GALNT15: variants seen among roughly 807,000 people sequenced by gnomAD.
GALNT15 encodes polypeptide N-acetylgalactosaminyltransferase 15.
In GALNT15, 67 loss-of-function variants were observed where a neutral mutation model predicts 66.8. That is an observed-to-expected ratio of 1.00 (90% CI 0.82 to 1.23). The LOEUF (loss-of-function observed/expected upper bound fraction) is 1.23, where lower values mean the gene tolerates loss of function less well. GALNT15 is among the 50% of genes most tolerant of loss of function. GALNT15 has a pLI of 0.00. For synonymous variants in GALNT15, 313 were observed against 311.5 expected (o/e 1.00, Z -0.05); for missense variants, 827 against 804.3 (o/e 1.03, Z -0.34).
At chr3:16,223,118 T>G (rs1299429728) in intron 9 of GALNT15, among the ~76,000 whole-genome samples, 1 of 152,176 alleles carries the variant, frequency 6.6e-6, no homozygotes, top group Admixed American at 6.5e-5. Flanking sequence ...TTAGGAGCAA[T>G]TCAAAGTCCC....
Position 16,187,450 on chromosome 3 carries a change from GGTCCTC to G in GALNT15, c.540-8309_540-8304del. ...ACTCTCAGACCTGGCAGCTGATGCTGGTCCTCAGCTGGGGCACTTTAGTTTTTCTTC... is the reference window on the plus strand; with the variant it reads ...ACTCTCAGACCTGGCAGCTGATGCTGAGCTGGGGCACTTTAGTTTTTCTTC... On this transcript the variant is annotated intron_variant, in intron 1 of 9. Transcript: ENST00000339732. The surrounding 1 kb of genome is among the most constrained non-coding windows in gnomAD (Gnocchi z 5.1). 6.6e-6 allele frequency among the ~76,000 whole-genome samples: 1 copy of G among 152,282 alleles called. No homozygotes were observed. Among genetic ancestry groups the G allele is most frequent in the East Asian group, 1.9e-4 (1 of 5,178 alleles).
At position 16,193,225 on chromosome 3, in the gene GALNT15, A is replaced by G. The variant is rs2063598089; in HGVS notation, c.540-2535A>G. On this transcript the variant is annotated intron_variant, in intron 1 of 9. Transcript: ENST00000339732. This position sits in a 1 kb window ranked among gnomAD's most constrained non-coding sequence, Gnocchi z 4.7. ...AATTCTGTTGCAGAATAAACATTTT[A>G]CTTTGGCTACCAGGGATCTCAGAGT... Among the ~76,000 whole-genome samples the G allele has an allele frequency of 6.6e-6, 1 of 152,238 alleles. No individual in the cohort carries two copies. Among genetic ancestry groups the G allele is most frequent in the African/African-American group, 2.4e-5 (1 of 41,472 alleles).
In GALNT15 at chr3:16,187,302, A is replaced by G. The variant is rs1286232839; in HGVS notation, c.540-8458A>G. On this transcript the variant is annotated intron_variant, in intron 1 of 9. Coordinates refer to ENST00000339732, the MANE Select transcript of GALNT15 (RefSeq NM_054110.5). The surrounding 1 kb of genome is among the most constrained non-coding windows in gnomAD (Gnocchi z 5.1). ...GTGATTTCAAACAATAACCATTTCT[A>G]TGTTATGGTTCTATAATTTGGACCG... Among the ~76,000 whole-genome samples, 4 of 152,092 alleles carry G rather than the reference A, an allele frequency of 2.6e-5. No individual in the cohort carries two copies. The highest frequency in any genetic ancestry group is 3.9e-4 in the East Asian group (2 of 5,192).
At chr3:16,226,255 A>C (rs748934619) in intron 9 of GALNT15, among the ~76,000 whole-genome samples, 5 of 152,074 alleles carry the variant, frequency 3.3e-5, no homozygotes, top group Non-Finnish European at 5.9e-5. Flanking sequence ...AATATTCTGG[A>C]AGTAGGTAGG....
intron 9 of GALNT15, among the ~76,000 whole-genome samples, chr3:16,226,310 T>C (rs573204078): frequency 6.6e-6 from 1 of 152,238 alleles, no homozygotes; most frequent in East Asian, 1.9e-4. Context: ...AACCACCAAC[T>C]TGTGTACTTT....
At chr3:16,230,544 CA>C (rs1041628800), downstream of GALNT15, among the ~76,000 whole-genome samples, 1 of 146,026 alleles carries the variant, frequency 6.8e-6, no homozygotes, top group African/African-American at 2.6e-5. This position sits in a 1 kb window ranked among gnomAD's most constrained non-coding sequence, Gnocchi z 4.5. Context: ...TTTGGACAAA[CA>C]AAATGCAAAC....
chr3:16,242,795 G>GAAAT, the GALNT15 span, among the ~76,000 whole-genome samples: 1 of 151,920 alleles, frequency 6.6e-6, no homozygotes, highest in African/African-American at 2.4e-5. This position sits in a 1 kb window ranked among gnomAD's most constrained non-coding sequence, Gnocchi z 5.6. Flanking sequence ...GAAAAGAAAA[G>GAAAT]AAAAGAAAAT....
chr3:16,180,080 G>C lies in GALNT15; in HGVS notation c.539+4390G>C, dbSNP rs1344576736. Among the ~76,000 whole-genome samples, 1 of 152,206 alleles carries C rather than the reference G, an allele frequency of 6.6e-6. No individual in the cohort carries two copies. The highest frequency in any genetic ancestry group is 1.9e-4 in the East Asian group (1 of 5,200). ...GTAATCTACATCTACGGCTGAACTTGAGCGTGCATCCGAACAACTAGATGG... is the reference window on the plus strand; with the variant it reads ...GTAATCTACATCTACGGCTGAACTTCAGCGTGCATCCGAACAACTAGATGG... On this transcript the variant is annotated intron_variant, in intron 1 of 9. Coordinates refer to ENST00000339732, the MANE Select transcript of GALNT15 (RefSeq NM_054110.5). This position sits in a 1 kb window ranked among gnomAD's most constrained non-coding sequence, Gnocchi z 5.0.
intron 6 of GALNT15, among the ~76,000 whole-genome samples, chr3:16,215,916 A>AAACAAACAAACAAAAAAAAAAAC (rs1019009823): frequency 4.9e-5 from 7 of 143,530 alleles, no homozygotes; most frequent in East Asian, 2.2e-4. Flanking sequence ...CAAAAAAAAA[A>AAACAAACAAACAAAAAAAAAAAC]AAAAAAAAAG....
At chr3:16,199,744 C>T (rs2063679128) in intron 2 of GALNT15, among the ~76,000 whole-genome samples, 2 of 152,260 alleles carry the variant, frequency 1.3e-5, no homozygotes, top group Admixed American at 6.5e-5. Context: ...TGCTTTTTAC[C>T]CTGCAATGGT....
At chr3:16,194,159 C>T (rs953577497) in intron 1 of GALNT15, among the ~76,000 whole-genome samples, 1 of 152,176 alleles carries the variant, frequency 6.6e-6, no homozygotes, top group African/African-American at 2.4e-5. Context: ...TCGAAGCCTC[C>T]GTTTCCTTAT....
chr3:16,247,806 C>G, the GALNT15 span, among the ~76,000 whole-genome samples: 1 of 152,246 alleles, frequency 6.6e-6, no homozygotes, highest in African/African-American at 2.4e-5. Flanking sequence ...TGCTGTCCCC[C>G]TCCCGGACCC....
chr3:16,238,091 T>C, the GALNT15 span, among the ~76,000 whole-genome samples: 1 of 152,250 alleles, frequency 6.6e-6, no homozygotes, highest in Non-Finnish European at 1.5e-5. This position sits in a 1 kb window ranked among gnomAD's most constrained non-coding sequence, Gnocchi z 4.8. Context: ...TATAGGCTTC[T>C]TTTAGCAAAG....
chr3:16,193,053 G>A lies in GALNT15; in HGVS notation c.540-2707G>A, dbSNP rs1205099631. ...AGATATTTTCATGATGGGGAGCTAG[G>A]TAAAGGGAACATAGGAACTCTCAGT... On this transcript the variant is annotated intron_variant, in intron 1 of 9. Transcript: ENST00000339732. This position sits in a 1 kb window ranked among gnomAD's most constrained non-coding sequence, Gnocchi z 4.7. Among the ~76,000 whole-genome samples the A allele has an allele frequency of 1.3e-5, 2 of 152,134 alleles. No individual in the cohort carries two copies. The highest frequency in any genetic ancestry group is 2.9e-5 in the Non-Finnish European group (2 of 68,020).
Position 16,188,142 on chromosome 3 carries a change from C to G in GALNT15, c.540-7618C>G, listed in dbSNP as rs1249234212. Among the ~76,000 whole-genome samples, 1 of 152,198 alleles carries G rather than the reference C, an allele frequency of 6.6e-6. No individual in the cohort carries two copies. Among genetic ancestry groups the G allele is most frequent in the Non-Finnish European group, 1.5e-5 (1 of 68,040 alleles). ...CACATCTAGCCTCACGCTCTTCCCC[C>G]CAGACCATTATCCTGGCTCCGGCTG... On this transcript the variant is annotated intron_variant, in intron 1 of 9. Coordinates refer to ENST00000339732, the MANE Select transcript of GALNT15 (RefSeq NM_054110.5). The surrounding 1 kb of genome is among the most constrained non-coding windows in gnomAD (Gnocchi z 4.6).
At chr3:16,236,619 AGT>A (rs2064126961), downstream of GALNT15, among the ~76,000 whole-genome samples, 1 of 152,252 alleles carries the variant, frequency 6.6e-6, no homozygotes, top group South Asian at 2.1e-4. Context: ...ATAAAAATAA[AGT>A]GTTTCTCTGT....
At chr3:16,233,889 C>T (rs1039632), downstream of GALNT15, among the ~76,000 whole-genome samples, 107,739 of 152,086 alleles carry the variant, frequency 0.71, 38,314 homozygotes, top group African/African-American at 0.75. Flanking sequence ...TTTGGAATAA[C>T]AGGGATACTG....
chr3:16,246,785 T>C, the GALNT15 span, among the ~76,000 whole-genome samples: 3 of 152,166 alleles, frequency 2.0e-5, no homozygotes, highest in East Asian at 1.9e-4. Context: ...AAGAAAAGTA[T>C]TTATAGCAAT....
chr3:16,208,466 C>G, intron 3 of GALNT15, 37 bp from the exon 4 acceptor site: 1 of 1,607,058 alleles, frequency 6.2e-7, no homozygotes, highest in East Asian at 2.2e-5. Context: ...CAAGTAAATG[C>G]TTTACGTCCC....
Sources: allele counts gnomAD v4.1 joint callset (sites outside exome capture counted in the v4.1 genomes callset), GRCh38; gene constraint gnomAD v4.1.1; non-coding constraint Gnocchi (gnomAD v3.1); transcripts MANE v1.5; gene names NCBI Gene and HGNC (gene_info 2026-07-23, HGNC 2026-07-21).